Variants in FAM171B observed in about 807,000 individuals in gnomAD.
FAM171B encodes family with sequence similarity 171 member B.
In FAM171B, 19 loss-of-function variants were observed where a neutral mutation model predicts 75.6. The ratio of observed to expected loss-of-function variants is 0.25; its 90% CI spans 0.18 to 0.37. FAM171B has a LOEUF of 0.37. FAM171B is among the 10% of genes least tolerant of loss of function. FAM171B has a pLI of 1.00. For synonymous variants in FAM171B, 367 were observed against 361.7 expected (o/e 1.01, Z -0.17); for missense variants, 848 against 982.4 (o/e 0.86, Z 1.83).
intron 1 of FAM171B, among the ~76,000 whole-genome samples, chr2:186,700,400 C>A (rs928414821): frequency 2.6e-5 from 4 of 152,040 alleles, no homozygotes; most frequent in African/African-American, 7.2e-5. Flanking sequence ...TAGCCCCTTC[C>A]CAGGCAATTC....
intron 1 of FAM171B, among the ~76,000 whole-genome samples, chr2:186,710,641 TAACTCAA>T (rs1367652864): frequency 6.6e-6 from 1 of 152,204 alleles, no homozygotes; most frequent in Non-Finnish European, 1.5e-5. Flanking sequence ...TTCTTCCCTG[TAACTCAA>T]ACCATACCCT....
chr2:186,718,323 A>G (rs1689902476), intron 1 of FAM171B, among the ~76,000 whole-genome samples: 1 of 152,132 alleles, frequency 6.6e-6, no homozygotes, highest in Non-Finnish European at 1.5e-5. Flanking sequence ...CATTGTTCCC[A>G]GGCTTTTTTC....
At chr2:186,703,080 C>T (rs1162084062) in intron 1 of FAM171B, among the ~76,000 whole-genome samples, 5 of 150,742 alleles carry the variant, frequency 3.3e-5, no homozygotes, top group South Asian at 4.2e-4. Flanking sequence ...TATATATACA[C>T]ACACACACAC....
At chr2:186,695,394 C>T (rs1238118004) in intron 1 of FAM171B, 2 of 152,168 alleles carry the variant, frequency 1.3e-5, no homozygotes, top group Non-Finnish European at 2.9e-5. Context: ...AAAAAAGCCT[C>T]CAATTTTCTG....
intron 2 of FAM171B, 96 bp from the exon 3 acceptor site, chr2:186,743,387 C>T: frequency 1.3e-6 from 1 of 754,110 alleles, no homozygotes; most frequent in Non-Finnish European, 2.2e-6. Context: ...CCCCCCACAA[C>T]ACACTTTTTG....
intron 1 of FAM171B, among the ~76,000 whole-genome samples, chr2:186,726,443 A>G (rs1690034305): frequency 6.6e-6 from 1 of 152,122 alleles, no homozygotes; most frequent in African/African-American, 2.4e-5. Context: ...AATGCTGCAG[A>G]GAGTAAACTG....
At chr2:186,701,420 C>A (rs1689659775) in intron 1 of FAM171B, among the ~76,000 whole-genome samples, 1 of 152,108 alleles carries the variant, frequency 6.6e-6, no homozygotes, top group South Asian at 2.1e-4. Context: ...TAACTATAGT[C>A]CTCATGCTGT....
chr2:186,748,707 G>A (rs1050705785), intron 4 of FAM171B, among the ~76,000 whole-genome samples: 5 of 152,224 alleles, frequency 3.3e-5, no homozygotes, highest in East Asian at 1.9e-4. Flanking sequence ...GCTGAATTAC[G>A]CTTCTGTTAG....
At chr2:186,724,932 C>A (rs541256555) in intron 1 of FAM171B, among the ~76,000 whole-genome samples, 1 of 152,140 alleles carries the variant, frequency 6.6e-6, no homozygotes, top group African/African-American at 2.4e-5. Context: ...GCTAAATTCT[C>A]GTCTTTCCTC....
chr2:186,743,720 C>G, intron 3 of FAM171B, 145 bp downstream of exon 3: 5 of 573,290 alleles, frequency 8.7e-6, no homozygotes, highest in Middle Eastern at 4.8e-4. Context: ...TTGATCTGAA[C>G]TGATATTTTA....
chr2:186,758,213 A>G (rs1001036048), intron 6 of FAM171B, among the ~76,000 whole-genome samples: 1 of 152,308 alleles, frequency 6.6e-6, no homozygotes, highest in Admixed American at 6.5e-5. Flanking sequence ...TGGGTTAGAT[A>G]TAACTGTTAC....
intron 1 of FAM171B, among the ~76,000 whole-genome samples, chr2:186,702,049 T>C (rs1689669196): frequency 6.6e-6 from 1 of 152,218 alleles, no homozygotes; most frequent in East Asian, 1.9e-4. Context: ...TGGAAGAGTC[T>C]AAAACCATGA....
chr2:186,715,914 AAAC>A (rs1172600521), intron 1 of FAM171B, among the ~76,000 whole-genome samples: 2 of 152,322 alleles, frequency 1.3e-5, no homozygotes, highest in African/African-American at 4.8e-5. Flanking sequence ...TCAAACATAG[AAAC>A]AAAGTCGATA....
At chr2:186,761,305 G>T in intron 7 of FAM171B, 69 bp downstream of exon 7, 3 of 1,541,584 alleles carry the variant, frequency 1.9e-6, no homozygotes, top group Non-Finnish European at 2.6e-6. Flanking sequence ...TCTGTACATT[G>T]AAAAGTTTAT....
At chr2:186,709,597 C>A (rs1427127334) in intron 1 of FAM171B, among the ~76,000 whole-genome samples, 2 of 152,158 alleles carry the variant, frequency 1.3e-5, no homozygotes, top group African/African-American at 4.8e-5. Flanking sequence ...CCATCTTGAC[C>A]AGATTGTGCT....
chr2:186,762,547 CCTTTA>C lies in FAM171B; in HGVS notation c.2209_2213del (p.Tyr737ArgfsTer9), dbSNP rs1243430471. 1 of 1,613,562 alleles carries C rather than the reference CCTTTA, an allele frequency of 6.2e-7. No individual in the cohort carries two copies. On this transcript the variant is annotated frameshift_variant, in exon 8 of 8. Coordinates refer to ENST00000304698, the MANE Select transcript of FAM171B (RefSeq NM_177454.4). LOFTEE classifies it high-confidence loss of function. The surrounding 1 kb of genome is among the most constrained non-coding windows in gnomAD (Gnocchi z 4.0). ...TCAAAAGCATGCATCAGCCCAAGAT[CCTTTA>C]CTTAGAAGATTTAGACCTAAGCAGC...
Position 186,764,906 on chromosome 2 carries a change from A to G in FAM171B, c.*2083A>G, listed in dbSNP as rs943663652. 1 of 151,950 alleles carries G rather than the reference A, an allele frequency of 6.6e-6. No individual in the cohort carries two copies. Among genetic ancestry groups the G allele is most frequent in the African/African-American group, 2.4e-5 (1 of 41,410 alleles). The allele number at this position is 151,950 out of a possible 1,614,324, so 9.4% of individuals were successfully genotyped here. On this transcript the variant is annotated 3_prime_UTR_variant, in exon 8 of 8. Transcript: ENST00000304698. ...AAAAATGTTTCATCTCAGCTTGGTA[A>G]TGAAATACACATATTGGTATAAGGG...
At chr2:186,717,268 A>T (rs1036397664) in intron 1 of FAM171B, among the ~76,000 whole-genome samples, 4 of 152,212 alleles carry the variant, frequency 2.6e-5, no homozygotes, top group Non-Finnish European at 4.4e-5. Flanking sequence ...ACCTTAGTTT[A>T]TGGGAATCTC....
Position 186,761,303 on chromosome 2 carries a change from T to C in FAM171B, c.1136+67T>C, listed in dbSNP as rs962234630. Reference sequence around the variant, plus strand: ...GTATCATTTCAGTATATTCTGTACATTGAAAAGTTTATTTGTAGAAATAAA... The same window carrying C: ...GTATCATTTCAGTATATTCTGTACACTGAAAAGTTTATTTGTAGAAATAAA... On this transcript the variant is annotated intron_variant, in intron 7 of 7. Transcript: ENST00000304698. 4.5e-6 allele frequency: 7 copies of C among 1,544,822 alleles called. No homozygotes were observed. The African/African-American group carries it at 9.8e-5, about 22-fold the overall frequency.
Sources: allele counts gnomAD v4.1 joint callset (sites outside exome capture counted in the v4.1 genomes callset), GRCh38; gene constraint gnomAD v4.1.1; non-coding constraint Gnocchi (gnomAD v3.1); transcripts MANE v1.5; gene names NCBI Gene and HGNC (gene_info 2026-07-23, HGNC 2026-07-21).